Variants in ECT2L observed in about 807,000 individuals in gnomAD.
The protein encoded by ECT2L is epithelial cell transforming 2 like.
In ECT2L, 126 loss-of-function variants were observed where a neutral mutation model predicts 122.8. That is an observed-to-expected ratio of 1.03 (90% CI 0.89 to 1.19). The LOEUF (loss-of-function observed/expected upper bound fraction) is 1.19. Among genes scored for constraint, ECT2L ranks in the 50% most tolerant of loss-of-function variants. The pLI is 0.00. For missense variants in ECT2L, 1,012 were observed against 1,064.1 expected (o/e 0.95, Z 0.68); for synonymous variants, 385 against 381.8 (o/e 1.01, Z -0.10).
chr6:138,833,847 A>G (rs1324915364), intron 4 of ECT2L, among the ~76,000 whole-genome samples: 1 of 151,936 alleles, frequency 6.6e-6, no homozygotes, highest in Non-Finnish European at 1.5e-5. Context: ...CCAGGGACTG[A>G]AACTGGGGTA....
At chr6:138,866,756 A>G (rs570423812) in intron 12 of ECT2L, among the ~76,000 whole-genome samples, 2 of 152,280 alleles carry the variant, frequency 1.3e-5, no homozygotes, top group Non-Finnish European at 2.9e-5. Flanking sequence ...TTTGCATGTT[A>G]TTTACTTTGG....
intron 13 of ECT2L, among the ~76,000 whole-genome samples, chr6:138,871,174 C>T (rs1000738353): frequency 3.3e-5 from 5 of 152,166 alleles, no homozygotes; most frequent in Admixed American, 6.5e-5. Context: ...ATTACATTGT[C>T]GTTCACATAA....
chr6:138,796,404 C>T (rs1039300379), intron 1 of ECT2L, among the ~76,000 whole-genome samples: 1 of 152,192 alleles, frequency 6.6e-6, no homozygotes, highest in Non-Finnish European at 1.5e-5. Context: ...ACAAAATCCA[C>T]GCGTAGGGTA....
Position 138,862,635 on chromosome 6 carries a change from ATTGAAGTTCTTTCC to A in ECT2L, c.1208_1221del (p.Ile403ThrfsTer26). ...TGTTTTTGACTATGCAGAGGCAGGA[ATTGAAGTTCTTTCC>A]CAGCTGTCTCAACTAACTGGCACGT... is the stretch of plus-strand genomic sequence containing the variant. On this transcript the variant is annotated frameshift_variant, in exon 11 of 22. Transcript: ENST00000541398. LOFTEE classifies it high-confidence loss of function. 6.2e-7 allele frequency: 1 copy of A among 1,614,152 alleles called. No individual in the cohort carries two copies. Among genetic ancestry groups the A allele is most frequent in the South Asian group, 1.1e-5 (1 of 91,076 alleles).
intron 14 of ECT2L, among the ~76,000 whole-genome samples, chr6:138,878,525 C>A (rs565630841): frequency 9.2e-5 from 14 of 152,326 alleles, no homozygotes; most frequent in Non-Finnish European, 1.5e-4. Context: ...CGGCTCACTG[C>A]AACCTCTGCC....
At chr6:138,895,934 TCA>T (rs1168718714) in intron 20 of ECT2L, among the ~76,000 whole-genome samples, 2 of 152,096 alleles carry the variant, frequency 1.3e-5, no homozygotes, top group African/African-American at 2.4e-5. Flanking sequence ...AGAGATGAAG[TCA>T]CACAGTTATT....
chr6:138,860,933 G>A (rs1777807480), intron 10 of ECT2L, among the ~76,000 whole-genome samples: 1 of 151,848 alleles, frequency 6.6e-6, no homozygotes, highest in African/African-American at 2.4e-5. Flanking sequence ...CTGCATCCAT[G>A]TGTTCTCATT....
intron 5 of ECT2L, among the ~76,000 whole-genome samples, chr6:138,841,736 C>T (rs1310898104): frequency 6.6e-6 from 1 of 152,176 alleles, no homozygotes; most frequent in Non-Finnish European, 1.5e-5. Context: ...CTCTGGGTTT[C>T]CCTTCTTTCT....
Position 138,823,611 on chromosome 6 carries a change from G to A in ECT2L, c.179+9008G>A, listed in dbSNP as rs1285012817. ...CATGGACATCGCCATCCAAGTCACA[G>A]AAAGCATTGCACTCTTTCACAGCTG... On this transcript the variant is annotated intron_variant, in intron 4 of 21. Transcript: ENST00000541398. 78 of 1,411,522 alleles carry A rather than the reference G, an allele frequency of 5.5e-5. 11 individuals carry two copies. Among genetic ancestry groups the A allele is most frequent in the Non-Finnish European group, 7.2e-5 (75 of 1,045,174 alleles). The allele number at this position is 1,411,522 out of a possible 1,614,324, so 87.4% of individuals were successfully genotyped here. A position where few individuals can be genotyped will look rare whatever the true frequency, so the allele number is the denominator to read the frequency against.
intron 4 of ECT2L, among the ~76,000 whole-genome samples, chr6:138,834,465 T>G (rs1776753953): frequency 6.6e-6 from 1 of 152,292 alleles, no homozygotes; most frequent in African/African-American, 2.4e-5. Context: ...CTTTTGGAAG[T>G]AATTCATATT....
intron 9 of ECT2L, among the ~76,000 whole-genome samples, chr6:138,851,948 G>A (rs1354168988): frequency 6.6e-6 from 1 of 152,144 alleles, no homozygotes; most frequent in African/African-American, 2.4e-5. Flanking sequence ...GGAAAGGAAT[G>A]GCTGATATCA....
intron 1 of ECT2L, among the ~76,000 whole-genome samples, chr6:138,800,616 CATA>C (rs1350841397): frequency 2.0e-5 from 3 of 152,104 alleles, no homozygotes; most frequent in African/African-American, 7.2e-5. Context: ...ACTCATTTAA[CATA>C]ATGATGGAAA....
intron 5 of ECT2L, among the ~76,000 whole-genome samples, chr6:138,842,062 C>T (rs932159002): frequency 4.6e-5 from 7 of 152,222 alleles, no homozygotes; most frequent in Non-Finnish European, 8.8e-5. Flanking sequence ...CATACATTCA[C>T]ATATAACATA....
In ECT2L at chr6:138,902,553, A is replaced by C. The variant is rs13193114; in HGVS notation, c.2641A>C (p.Thr881Pro). Residue 881 changes from threonine (T) to proline (P), a missense_variant, in exon 22 of 22, where the codon ACA becomes CCA. Transcript: ENST00000541398. The part of the protein sequence containing the change: ...QGPKYKWICA[T>P]EIEDDKFLWL... ...TCCAAAATATAAATGGATTTGTGCT[A>C]CAGAAATAGAGGATGATAAGTTCCT... The C allele has an allele frequency of 1.2e-6, 2 of 1,613,850 alleles. No individual in the cohort carries two copies. The highest frequency in any genetic ancestry group is 2.2e-5 in the South Asian group (2 of 91,072).
At chr6:138,863,889 G>A (rs113797827) in intron 11 of ECT2L, among the ~76,000 whole-genome samples, 1 of 150,112 alleles carries the variant, frequency 6.7e-6, no homozygotes, top group Admixed American at 6.7e-5. Flanking sequence ...TGGGATTACA[G>A]GCGTGAGCCA....
chr6:138,888,899 A>T (rs1330681748), intron 19 of ECT2L, 44 bp from the exon 20 acceptor site: 25 of 1,090,982 alleles, frequency 2.3e-5, no homozygotes, highest in East Asian at 2.9e-5. Context: ...AATTTTATTT[A>T]AAAAAATTTA....
chr6:138,876,045 G>A (rs544706792), intron 13 of ECT2L, among the ~76,000 whole-genome samples: 17 of 152,100 alleles, frequency 1.1e-4, no homozygotes, highest in Non-Finnish European at 2.4e-4. Flanking sequence ...CTTGAACCTG[G>A]GAGGCGGAGG....
chr6:138,888,909 A>G (rs1778922768), intron 19 of ECT2L, 34 bp from the exon 20 acceptor site: 2 of 1,196,540 alleles, frequency 1.7e-6, no homozygotes, highest in Non-Finnish European at 2.3e-6. Flanking sequence ...AAAAAAATTT[A>G]TATGTACTTC....
chr6:138,871,935 A>G (rs934342958), intron 13 of ECT2L, among the ~76,000 whole-genome samples: 25 of 151,820 alleles, frequency 1.6e-4, no homozygotes, highest in Non-Finnish European at 3.4e-4. Context: ...ATTCTTCCCA[A>G]ACACAAGCAA....
Sources: gnomAD v4.1 joint callset for allele counts (sites outside exome capture counted in the v4.1 genomes callset) on GRCh38, gnomAD v4.1.1 for gene constraint, MANE v1.5 for transcripts, NCBI Gene and HGNC (gene_info 2026-07-23, HGNC 2026-07-21) for gene names.